The following NRXN1 variants were observed in gnomAD, a reference collection of about 807,000 sequenced individuals.
The protein encoded by NRXN1 is neurexin-1.
A neutral mutation model predicts 150.9 loss-of-function variants in NRXN1; 39 were observed. The observed-to-expected ratio is 0.26, with a 90% confidence interval of 0.20 to 0.34. The LOEUF is 0.34. Among genes scored for constraint, NRXN1 ranks in the 10% least tolerant of loss-of-function variants. The pLI, the probability that NRXN1 is intolerant of heterozygous loss-of-function variation, is 1.00. For missense variants in NRXN1, 1,815 were observed against 1,949.9 expected (o/e 0.93, Z 1.30); for synonymous variants, 924 against 757.0 (o/e 1.22, Z -3.62).
intron 5 of NRXN1, among the ~76,000 whole-genome samples, chr2:50,909,834 T>C (rs894130311): frequency 5.3e-5 from 8 of 151,984 alleles, no homozygotes; most frequent in African/African-American, 1.4e-4. Flanking sequence ...TCTTGAGCAG[T>C]GTAGAACAAA....
chr2:50,166,352 G>C (rs1327053214), intron 18 of NRXN1, among the ~76,000 whole-genome samples: 3 of 146,274 alleles, frequency 2.1e-5, no homozygotes, highest in Non-Finnish European at 4.5e-5. Flanking sequence ...TTCAAGAATG[G>C]AAAAGCCACT....
chr2:50,106,909 T>G (rs1433458710), intron 18 of NRXN1, among the ~76,000 whole-genome samples: 1 of 152,004 alleles, frequency 6.6e-6, no homozygotes, highest in African/African-American at 2.4e-5. Context: ...TTACAAGAGC[T>G]AAGCCATTTC....
chr2:50,675,535 C>A (rs1392927695), intron 5 of NRXN1, among the ~76,000 whole-genome samples: 2 of 152,070 alleles, frequency 1.3e-5, no homozygotes, highest in Non-Finnish European at 2.9e-5. Context: ...TGCATTTGGC[C>A]AGTGGAGTGA....
chr2:50,624,581 C>G (rs990966746), intron 5 of NRXN1, among the ~76,000 whole-genome samples: 2 of 151,932 alleles, frequency 1.3e-5, no homozygotes, highest in African/African-American at 2.4e-5. Flanking sequence ...AGAATCTGGT[C>G]TGGGAGTAAA....
At chr2:50,844,326 G>C (rs183898537) in intron 5 of NRXN1, among the ~76,000 whole-genome samples, 5 of 152,224 alleles carry the variant, frequency 3.3e-5, no homozygotes, top group Non-Finnish European at 5.9e-5. Flanking sequence ...CTTAAATTTT[G>C]ATTTCCCAAT....
intron 12 of NRXN1, among the ~76,000 whole-genome samples, chr2:50,509,459 C>T (rs1406985704): frequency 6.6e-6 from 1 of 152,168 alleles, no homozygotes; most frequent in Non-Finnish European, 1.5e-5. Context: ...GAAGGGACAT[C>T]ATTTTAGGAC....
intron 5 of NRXN1, among the ~76,000 whole-genome samples, chr2:50,672,196 C>T (rs948660193): frequency 4.0e-5 from 6 of 151,614 alleles, no homozygotes; most frequent in African/African-American, 1.5e-4. Flanking sequence ...ATTTTTTACA[C>T]AGCAATTCAA....
intron 5 of NRXN1, among the ~76,000 whole-genome samples, chr2:50,916,490 T>TAA (rs139599557): frequency 6.6e-6 from 1 of 151,544 alleles, no homozygotes; most frequent in Admixed American, 6.6e-5. Flanking sequence ...AAATCTAGAT[T>TAA]AAAAAAGTAC....
At chr2:50,228,113 T>C (rs933709478) in intron 18 of NRXN1, among the ~76,000 whole-genome samples, 1 of 152,042 alleles carries the variant, frequency 6.6e-6, no homozygotes, top group Admixed American at 6.6e-5. Context: ...AAATGTTAAG[T>C]GTAAAACACA....
At chr2:50,101,722 A>C (rs1401176828) in intron 18 of NRXN1, among the ~76,000 whole-genome samples, 1 of 152,066 alleles carries the variant, frequency 6.6e-6, no homozygotes, top group Non-Finnish European at 1.5e-5. Flanking sequence ...AGCTACATAC[A>C]GTAAACTGGG....
chr2:50,390,632 T>A (rs1041748371), intron 17 of NRXN1, among the ~76,000 whole-genome samples: 4 of 152,046 alleles, frequency 2.6e-5, no homozygotes, highest in African/African-American at 9.7e-5. Context: ...CTCTAAGAGG[T>A]GATTAGGCCA....
At chr2:50,739,694 TAGC>T (rs1699200541) in intron 5 of NRXN1, among the ~76,000 whole-genome samples, 1 of 152,160 alleles carries the variant, frequency 6.6e-6, no homozygotes, top group African/African-American at 2.4e-5. Flanking sequence ...TAAATGCACA[TAGC>T]AGGAGGGGAA....
chr2:50,112,332 T>C (rs1384035307), intron 18 of NRXN1, among the ~76,000 whole-genome samples: 1 of 152,160 alleles, frequency 6.6e-6, no homozygotes, highest in Admixed American at 6.5e-5. Context: ...ATGGAGAAGA[T>C]GAAATTTACA....
In NRXN1 at chr2:50,445,180, G is replaced by A. The variant is rs563182148; in HGVS notation, c.3364+20262C>T. Among the ~76,000 whole-genome samples, 18 of 152,134 alleles carry A rather than the reference G, an allele frequency of 1.2e-4. No homozygotes were observed. The South Asian group carries it at 3.7e-3, about 32-fold the overall frequency. On this transcript the variant is annotated intron_variant, in intron 17 of 22. Transcript: ENST00000401669. ...CTAAAAGAGTCCTGCTGGATGGCCCGCAATACCCCACATAACCAAAACAAC... is the reference window on the plus strand; with the variant it reads ...CTAAAAGAGTCCTGCTGGATGGCCCACAATACCCCACATAACCAAAACAAC...
At chr2:50,511,506 A>AT (rs1230643839) in intron 12 of NRXN1, among the ~76,000 whole-genome samples, 1 of 152,198 alleles carries the variant, frequency 6.6e-6, no homozygotes, top group East Asian at 1.9e-4. Flanking sequence ...CAACAGCCAA[A>AT]TTTTTTGGCT....
chr2:50,078,255 C>A lies in NRXN1; in HGVS notation c.3718+13068G>T, dbSNP rs1057337413. ...AACATGTCAAAATTTTTTTTAACAA[C>A]AAATGCATTTGACTTACAATTACAC... is the stretch of plus-strand genomic sequence containing the variant. On this transcript the variant is annotated intron_variant, in intron 19 of 22. Transcript: ENST00000401669. Among the ~76,000 whole-genome samples the A allele has an allele frequency of 5.3e-5, 8 of 151,742 alleles. No homozygotes were observed. The South Asian group carries it at 1.0e-3, about 20-fold the overall frequency.
rs558609490 is a variant in NRXN1 at position 50,433,247 on chromosome 2, G to T, written c.3364+32195C>A. Among the ~76,000 whole-genome samples the T allele has an allele frequency of 5.3e-5, 8 of 152,304 alleles. No individual in the cohort carries two copies. The East Asian group carries it at 1.3e-3, about 26-fold the overall frequency. On this transcript the variant is annotated intron_variant, in intron 17 of 22. Transcript: ENST00000401669. The stretch of plus-strand genomic sequence containing the variant: ...CTAGACTTCTCATTAAGAAGTAATA[G>T]AAATTCATTACTGTTGAAGCTACAT...
chr2:50,564,575 T>A (rs914821058), intron 8 of NRXN1, among the ~76,000 whole-genome samples: 1 of 152,224 alleles, frequency 6.6e-6, no homozygotes, highest in Non-Finnish European at 1.5e-5. Flanking sequence ...AGACAGTCTG[T>A]ATAATGATAT....
chr2:50,553,740 A>G (rs1667844508), intron 8 of NRXN1, among the ~76,000 whole-genome samples: 1 of 152,194 alleles, frequency 6.6e-6, no homozygotes, highest in Non-Finnish European at 1.5e-5. Context: ...CTTTTAATTT[A>G]CACAAATGCT....
Sources: allele counts gnomAD v4.1 joint callset (sites outside exome capture counted in the v4.1 genomes callset), GRCh38; gene constraint gnomAD v4.1.1; transcripts MANE v1.5; gene names NCBI Gene and HGNC (gene_info 2026-07-23, HGNC 2026-07-21).